The following ARHGAP24 variants were observed in gnomAD, a reference collection of about 807,000 sequenced individuals.
ARHGAP24 encodes the protein rho GTPase-activating protein 24.
In ARHGAP24, 50 loss-of-function variants were observed where a neutral mutation model predicts 76.4. The ratio of observed to expected loss-of-function variants is 0.65; its 90% CI spans 0.52 to 0.83. The LOEUF is 0.83. Among genes scored for constraint, ARHGAP24 ranks in the 40% least tolerant of loss-of-function variants. ARHGAP24 has a pLI of 0.00. For missense variants in ARHGAP24, 930 were observed against 914.2 expected, an observed-to-expected ratio of 1.02 and a Z score of -0.22; for synonymous variants, 345 against 323.3, an observed-to-expected ratio of 1.07 and a Z score of -0.72.
At chr4:85,514,818 A>T (rs902050093) in intron 1 of ARHGAP24, among the ~76,000 whole-genome samples, 23 of 10,990 alleles carry the variant, frequency 2.1e-3, no homozygotes, top group South Asian at 6.9e-3. Context: ...TCTAAATTGT[A>T]AAAAAAAAAA....
chr4:85,669,251 C>T (rs1326746945), intron 2 of ARHGAP24, among the ~76,000 whole-genome samples: 1 of 147,804 alleles, frequency 6.8e-6, no homozygotes, highest in Non-Finnish European at 1.5e-5. Context: ...AGAGAAACAA[C>T]ATGATGTTAT....
chr4:85,923,042 T>C (rs975975076), intron 3 of ARHGAP24, among the ~76,000 whole-genome samples: 1 of 151,628 alleles, frequency 6.6e-6, no homozygotes, highest in Non-Finnish European at 1.5e-5. Context: ...TGTCCAGGCA[T>C]GTCTTCTTCT....
intron 3 of ARHGAP24, among the ~76,000 whole-genome samples, chr4:85,833,659 C>G (rs894624844): frequency 1.3e-5 from 2 of 152,148 alleles, no homozygotes; most frequent in Non-Finnish European, 2.9e-5. Context: ...GGAATTTCTG[C>G]CTTTTGGATT....
At chr4:85,674,833 A>G (rs969084184) in intron 2 of ARHGAP24, among the ~76,000 whole-genome samples, 1 of 152,222 alleles carries the variant, frequency 6.6e-6, no homozygotes, top group Admixed American at 6.5e-5. Flanking sequence ...GATCTGCCTG[A>G]GGTAAACTTT....
At chr4:85,623,847 G>A (rs891888977) in intron 2 of ARHGAP24, among the ~76,000 whole-genome samples, 4 of 145,918 alleles carry the variant, frequency 2.7e-5, no homozygotes, top group African/African-American at 1.0e-4. Flanking sequence ...TATTCTCTTT[G>A]AAGCAATTGT....
chr4:85,949,885 T>C (rs2091644131), intron 5 of ARHGAP24, among the ~76,000 whole-genome samples: 1 of 152,180 alleles, frequency 6.6e-6, no homozygotes, highest in South Asian at 2.1e-4. Context: ...TAGACACTGT[T>C]CTGGATGAAA....
At chr4:85,590,967 A>G (rs1728070526) in intron 2 of ARHGAP24, among the ~76,000 whole-genome samples, 1 of 151,622 alleles carries the variant, frequency 6.6e-6, no homozygotes, top group Non-Finnish European at 1.5e-5. Context: ...TGCAAAATGA[A>G]AGGCTGTACA....
At chr4:85,881,599 T>C (rs1183959775) in intron 3 of ARHGAP24, among the ~76,000 whole-genome samples, 1 of 150,804 alleles carries the variant, frequency 6.6e-6, no homozygotes, top group Non-Finnish European at 1.5e-5. Flanking sequence ...AAGTTAGCGA[T>C]GCTTGTCATG....
chr4:85,972,215 T>C, intron 6 of ARHGAP24, 47 bp downstream of exon 6: 1 of 1,608,666 alleles, frequency 6.2e-7, no homozygotes, highest in Non-Finnish European at 8.5e-7. Context: ...TTGGAATTTT[T>C]TTCTGTGTTC....
intron 3 of ARHGAP24, among the ~76,000 whole-genome samples, chr4:85,864,569 C>T (rs1231676629): frequency 6.6e-6 from 1 of 151,274 alleles, no homozygotes; most frequent in African/African-American, 2.4e-5. Context: ...TGATGCCAAA[C>T]TTATGATAGA....
rs957240016 is a variant in ARHGAP24 at position 85,819,098 on chromosome 4, A to G, written c.268+97126A>G. ...CTGCAAAAGCTGTATGGAAACTCCT[A>G]TAAATTAAATTTTTACACATCCTTC... On this transcript the variant is annotated intron_variant, in intron 3 of 9. Coordinates refer to ENST00000395184, the MANE Select transcript of ARHGAP24 (RefSeq NM_001025616.3). Among the ~76,000 whole-genome samples, 15 of 152,272 alleles carry G rather than the reference A, an allele frequency of 9.9e-5. 1 individual carries two copies. Among genetic ancestry groups the G allele is most frequent in the Admixed American group, 8.5e-4 (13 of 15,286 alleles).
chr4:85,973,834 T>TTTTTTG (rs1739140500), intron 6 of ARHGAP24, among the ~76,000 whole-genome samples: 1 of 24,534 alleles, frequency 4.1e-5, no homozygotes, highest in South Asian at 2.1e-3. Flanking sequence ...CTGCCTATTG[T>TTTTTTG]TTTTTTTTTT....
chr4:85,973,232 G>A (rs1424041666), intron 6 of ARHGAP24, among the ~76,000 whole-genome samples: 1 of 152,118 alleles, frequency 6.6e-6, no homozygotes, highest in African/African-American at 2.4e-5. Flanking sequence ...CCTAACACGA[G>A]TAAAGTCGTA....
At chr4:85,575,518 G>A (rs552513544) in intron 2 of ARHGAP24, among the ~76,000 whole-genome samples, 1 of 152,226 alleles carries the variant, frequency 6.6e-6, no homozygotes, top group African/African-American at 2.4e-5. Flanking sequence ...ACACCCCAAA[G>A]GACTTTGGAT....
At chr4:85,729,525 C>T (rs1246691921) in intron 3 of ARHGAP24, among the ~76,000 whole-genome samples, 1 of 152,160 alleles carries the variant, frequency 6.6e-6, no homozygotes, top group Non-Finnish European at 1.5e-5. Context: ...CATGATCATA[C>T]GATCCTCCTG....
intron 2 of ARHGAP24, among the ~76,000 whole-genome samples, chr4:85,580,771 C>T (rs953038181): frequency 3.3e-5 from 5 of 152,016 alleles, no homozygotes; most frequent in African/African-American, 4.8e-5. Flanking sequence ...TGCCTGTAGC[C>T]GGAAGGGGAG....
intron 3 of ARHGAP24, among the ~76,000 whole-genome samples, chr4:85,828,163 A>T (rs149576257): frequency 5.9e-5 from 9 of 152,324 alleles, no homozygotes; most frequent in African/African-American, 2.2e-4. Context: ...TTGTGGCAAC[A>T]GATTGGACAT....
chr4:85,764,167 G>A (rs529306595), intron 3 of ARHGAP24, among the ~76,000 whole-genome samples: 2 of 152,026 alleles, frequency 1.3e-5, no homozygotes, highest in South Asian at 4.2e-4. Context: ...TTACCACCAA[G>A]AAATCTCTAA....
At chr4:85,945,439 A>G (rs1036879971) in intron 5 of ARHGAP24, among the ~76,000 whole-genome samples, 3 of 152,192 alleles carry the variant, frequency 2.0e-5, no homozygotes, top group African/African-American at 7.2e-5. Context: ...AATAACAAAC[A>G]AATAAAATAA....
Sources: allele counts gnomAD v4.1 joint callset (sites outside exome capture counted in the v4.1 genomes callset), GRCh38; gene constraint gnomAD v4.1.1; transcripts MANE v1.5; gene names NCBI Gene and HGNC (gene_info 2026-07-23, HGNC 2026-07-21).